Variants in CHD9 observed in about 807,000 individuals in gnomAD.
CHD9 encodes the protein chromodomain helicase DNA binding protein 9, also known as ATP-dependent chromatin remodeler CHD9.
A neutral mutation model predicts 316.1 loss-of-function variants in CHD9; 77 were observed. The ratio of observed to expected loss-of-function variants is 0.24; its 90% CI spans 0.20 to 0.29. The LOEUF is 0.29. Among genes scored for constraint, CHD9 ranks in the 10% least tolerant of loss-of-function variants. The probability of loss-of-function intolerance (pLI) is 1.00; values close to 1 mark genes in which losing one functional copy is unlikely to be tolerated. For synonymous variants in CHD9, 1,129 were observed against 1,158.3 expected, an observed-to-expected ratio of 0.97 and a Z score of 0.51; for missense variants, 2,763 against 3,438.1, an observed-to-expected ratio of 0.80 and a Z score of 4.91.
intron 24 of CHD9, among the ~76,000 whole-genome samples, chr16:53,282,158 C>T (rs1303159312): frequency 6.6e-6 from 1 of 152,062 alleles, no homozygotes; most frequent in Admixed American, 6.6e-5. Context: ...TCCCCCTTTT[C>T]CTTCTCATTT....
intron 27 of CHD9, among the ~76,000 whole-genome samples, chr16:53,290,285 T>G (rs1171924929): frequency 6.6e-6 from 1 of 151,820 alleles, no homozygotes; most frequent in Non-Finnish European, 1.5e-5. Context: ...AAGAAACTGC[T>G]CAAATTGTGG....
chr16:53,060,565 C>G lies in CHD9; in HGVS notation c.-165+5488C>G, dbSNP rs368149588. On this transcript the variant is annotated intron_variant, in intron 1 of 38. Transcript: ENST00000447540. ...TTGAGTCTAGAAGTTCCAGACCAGCCTGGGCAACATAGCAAGACCCCATAT... is the reference window on the plus strand; with the variant it reads ...TTGAGTCTAGAAGTTCCAGACCAGCGTGGGCAACATAGCAAGACCCCATAT... Among the ~76,000 whole-genome samples, 4 of 152,206 alleles carry G rather than the reference C, an allele frequency of 2.6e-5. 1 individual carries two copies. The highest frequency in any genetic ancestry group is 2.0e-4 in the Admixed American group (3 of 15,284).
intron 1 of CHD9, among the ~76,000 whole-genome samples, chr16:53,079,130 G>C (rs1463058169): frequency 1.3e-5 from 2 of 152,144 alleles, no homozygotes; most frequent in Non-Finnish European, 2.9e-5. Context: ...AGTATGAAGG[G>C]ACCTGGGAAA....
At chr16:53,150,623 T>C (rs1052159498) in intron 1 of CHD9, among the ~76,000 whole-genome samples, 1 of 152,246 alleles carries the variant, frequency 6.6e-6, no homozygotes, top group Non-Finnish European at 1.5e-5. Flanking sequence ...TCCTTTCATT[T>C]TATCCGAATG....
Position 53,160,900 on chromosome 16 carries a change from C to G in CHD9, c.1452+3359C>G, listed in dbSNP as rs140904266. Among the ~76,000 whole-genome samples the G allele has an allele frequency of 5.9e-3, 895 of 152,220 alleles. 13 individuals carry two copies. Among genetic ancestry groups the G allele is most frequent in the African/African-American group, 0.02 (848 of 41,556 alleles). The stretch of plus-strand genomic sequence containing the variant: ...CCAGCCTGGGCAACAGAGCAAGACT[C>G]TGTCTCAAAACAAAAAAAGAAAAGA... On this transcript the variant is annotated intron_variant, in intron 2 of 38. Transcript: ENST00000447540.
chr16:53,164,644 GA>G (rs1006329967), intron 2 of CHD9, among the ~76,000 whole-genome samples: 2 of 150,782 alleles, frequency 1.3e-5, no homozygotes, highest in Admixed American at 6.6e-5. Context: ...TTTTTTTTTG[GA>G]GGGGGGGGTT....
chr16:53,281,944 C>T lies in CHD9; in HGVS notation c.4968-3652C>T, dbSNP rs535798899. 4.8e-4 allele frequency among the ~76,000 whole-genome samples: 73 copies of T among 152,264 alleles called. 2 individuals carry two copies. The South Asian group carries it at 0.014, about 29-fold the overall frequency. On this transcript the variant is annotated intron_variant, in intron 24 of 38. Coordinates refer to ENST00000447540, the MANE Select transcript of CHD9 (RefSeq NM_001308319.2). ...AATGCCTACCACTACTTAAAAATTA[C>T]GTTAATTTGTATATCTTCTTTCTTT...
chr16:53,284,429 C>T (rs1028256197), intron 24 of CHD9, among the ~76,000 whole-genome samples: 7 of 151,560 alleles, frequency 4.6e-5, no homozygotes, highest in Non-Finnish European at 2.9e-5. Context: ...GATACTTAAT[C>T]ATTGTCAGAT....
chr16:53,056,437 C>T (rs1237861015), intron 1 of CHD9, among the ~76,000 whole-genome samples: 3 of 152,220 alleles, frequency 2.0e-5, no homozygotes, highest in Non-Finnish European at 4.4e-5. Context: ...CTGACCATAA[C>T]TTCCACGGTA....
chr16:53,189,589 T>C (rs1019660688), intron 2 of CHD9, among the ~76,000 whole-genome samples: 3 of 151,914 alleles, frequency 2.0e-5, no homozygotes, highest in African/African-American at 7.2e-5. Flanking sequence ...TTGCTATTAT[T>C]TTGTTGAAAA....
chr16:53,231,190 G>A (rs759151953), intron 8 of CHD9, among the ~76,000 whole-genome samples: 1 of 152,098 alleles, frequency 6.6e-6, no homozygotes, highest in Non-Finnish European at 1.5e-5. Flanking sequence ...TTTAAAGCAC[G>A]TATCTTCTAG....
At chr16:53,255,835 G>A (rs2050543846) in intron 19 of CHD9, 56 bp downstream of exon 19, 11 of 1,486,110 alleles carry the variant, frequency 7.4e-6, no homozygotes, top group Non-Finnish European at 1.0e-5. Context: ...CCTAACTACT[G>A]AGAAAGTTTA....
intron 23 of CHD9, among the ~76,000 whole-genome samples, 183 bp from the exon 24 acceptor site, chr16:53,274,030 T>C (rs2052551762): frequency 6.6e-6 from 1 of 152,192 alleles, no homozygotes; most frequent in Non-Finnish European, 1.5e-5. Context: ...GAAATAATGA[T>C]GATTATGAAG....
At position 53,233,735 on chromosome 16, in the gene CHD9, A is replaced by G. The variant is rs367918614; in HGVS notation, c.2512-1450A>G. 3.9e-5 allele frequency among the ~76,000 whole-genome samples: 6 copies of G among 152,258 alleles called. No homozygotes were observed. The East Asian group carries it at 5.8e-4, about 15-fold the overall frequency. On this transcript the variant is annotated intron_variant, in intron 10 of 38. Coordinates refer to ENST00000447540, the MANE Select transcript of CHD9 (RefSeq NM_001308319.2). ...GAATATTGGCACACAAACAAGCAGC[A>G]CTTTGGGGAACCCAAGGATATCAGG...
chr16:53,171,136 G>A (rs2042684536), intron 2 of CHD9, among the ~76,000 whole-genome samples: 1 of 152,102 alleles, frequency 6.6e-6, no homozygotes, highest in African/African-American at 2.4e-5. Context: ...TAGGCCAGGT[G>A]CGGTGGCTCA....
At chr16:53,220,419 A>C (rs946596982) in intron 3 of CHD9, among the ~76,000 whole-genome samples, 7 of 152,164 alleles carry the variant, frequency 4.6e-5, no homozygotes, top group African/African-American at 1.7e-4. Context: ...TACTTCCACA[A>C]TAAAAAATTA....
chr16:53,199,170 C>T (rs915095319), intron 2 of CHD9, among the ~76,000 whole-genome samples: 4 of 152,024 alleles, frequency 2.6e-5, no homozygotes, highest in African/African-American at 9.7e-5. Flanking sequence ...GCAGGACTAA[C>T]CAAACCCACT....
chr16:53,130,727 C>T lies in CHD9; in HGVS notation c.-164-25199C>T, dbSNP rs550573684. Reference sequence around the variant, plus strand: ...AACGACCCCGCCTCGCACCGCCCTCCGCCCTGGGTCGGGCCGCGCCAGGAG... The same window carrying T: ...AACGACCCCGCCTCGCACCGCCCTCTGCCCTGGGTCGGGCCGCGCCAGGAG... On this transcript the variant is annotated intron_variant, in intron 1 of 38. Transcript: ENST00000447540. Among the ~76,000 whole-genome samples the T allele has an allele frequency of 4.1e-3, 616 of 151,856 alleles. 4 individuals are homozygous for T. The highest frequency in any genetic ancestry group is 0.014 in the African/African-American group (590 of 41,492).
chr16:53,287,607 G>T (rs2053989738), intron 26 of CHD9, among the ~76,000 whole-genome samples: 1 of 152,118 alleles, frequency 6.6e-6, no homozygotes, highest in Non-Finnish European at 1.5e-5. Flanking sequence ...TGTACCTGTA[G>T]TCCCAGCTAC....
Sources: gnomAD v4.1 joint callset for allele counts (sites outside exome capture counted in the v4.1 genomes callset) on GRCh38, gnomAD v4.1.1 for gene constraint, MANE v1.5 for transcripts, NCBI Gene and HGNC (gene_info 2026-07-23, HGNC 2026-07-21) for gene names.